PTPRN2: variants seen among roughly 807,000 people sequenced by gnomAD.
PTPRN2 encodes the protein protein tyrosine phosphatase receptor type N2.
A neutral mutation model predicts 118.8 loss-of-function variants in PTPRN2; 74 were observed. The ratio of observed to expected loss-of-function variants is 0.62; its 90% CI spans 0.52 to 0.76. The LOEUF (loss-of-function observed/expected upper bound fraction) is 0.76. Ranked by LOEUF, PTPRN2 falls within the 30% of genes least tolerant of loss-of-function variation. The pLI, the probability that PTPRN2 is intolerant of heterozygous loss-of-function variation, is 0.00. For missense variants in PTPRN2, 1,481 were observed against 1,394.4 expected (o/e 1.06, Z -0.99); for synonymous variants, 641 against 608.0 (o/e 1.05, Z -0.80).
At chr7:157,819,489 G>A (rs529539164) in intron 12 of PTPRN2, among the ~76,000 whole-genome samples, 47 of 151,956 alleles carry the variant, frequency 3.1e-4, no homozygotes, top group African/African-American at 9.4e-4. Flanking sequence ...AGCACACACC[G>A]AGCGGCCGCA....
intron 14 of PTPRN2, among the ~76,000 whole-genome samples, chr7:157,642,845 G>A (rs1268392): frequency 0.48 from 37,892 of 78,454 alleles, 7,198 homozygotes; most frequent in Middle Eastern, 0.62. Flanking sequence ...AAAAAAAAAA[G>A]CAGCTAAAAC....
In PTPRN2 at chr7:157,813,018, T is replaced by G. The variant is rs1351631849; in HGVS notation, c.1788+85655A>C. On this transcript the variant is annotated intron_variant, in intron 12 of 22. Coordinates refer to ENST00000389418, the MANE Select transcript of PTPRN2 (RefSeq NM_002847.5). This position sits in a 1 kb window ranked among gnomAD's most constrained non-coding sequence, Gnocchi z 4.7. ...GGACCACAGCCTCTGGATGAGCTTCTGTTAAAAAGAGATGACTCGGTGACA... is the reference window on the plus strand; with the variant it reads ...GGACCACAGCCTCTGGATGAGCTTCGGTTAAAAAGAGATGACTCGGTGACA... Among the ~76,000 whole-genome samples the G allele has an allele frequency of 6.6e-6, 1 of 152,136 alleles. No homozygotes were observed. Among genetic ancestry groups the G allele is most frequent in the Admixed American group, 6.5e-5 (1 of 15,278 alleles).
intron 14 of PTPRN2, among the ~76,000 whole-genome samples, chr7:157,633,439 G>A (rs1230078942): frequency 6.6e-6 from 1 of 152,210 alleles, no homozygotes; most frequent in East Asian, 1.9e-4. Context: ...TACAACGCCT[G>A]GCCTCATTAA....
rs557957605 is a variant in PTPRN2, at chr7:157,951,404, G to A, written c.1724-52667C>T. ...AGGCTGTGTCCTGGGAACAGCGCCCGGTGCACACACCCCTTTCCATCTTCC... is the reference window on the plus strand; with the variant it reads ...AGGCTGTGTCCTGGGAACAGCGCCCAGTGCACACACCCCTTTCCATCTTCC... On this transcript the variant is annotated intron_variant, in intron 11 of 22. Transcript: ENST00000389418. Among the ~76,000 whole-genome samples, 13 of 152,242 alleles carry A rather than the reference G, an allele frequency of 8.5e-5. No homozygotes were observed. The South Asian group carries it at 2.3e-3, about 27-fold the overall frequency.
chr7:158,180,062 G>A (rs915205151), intron 5 of PTPRN2, among the ~76,000 whole-genome samples: 3 of 152,232 alleles, frequency 2.0e-5, no homozygotes, highest in African/African-American at 7.2e-5. Flanking sequence ...TTTCAATAAG[G>A]TTGCTTTCTT....
chr7:158,278,141 C>T (rs890982419), intron 3 of PTPRN2, among the ~76,000 whole-genome samples: 6 of 152,144 alleles, frequency 3.9e-5, no homozygotes, highest in Admixed American at 6.5e-5. Flanking sequence ...AGCCTCAGCA[C>T]GTAACATGTC....
chr7:158,262,957 C>A (rs560970222), intron 3 of PTPRN2, among the ~76,000 whole-genome samples: 1 of 139,262 alleles, frequency 7.2e-6, no homozygotes, highest in East Asian at 2.2e-4. Context: ...CACACACATA[C>A]ACACATTCAC....
chr7:158,272,066 C>A (rs887697184), intron 3 of PTPRN2, among the ~76,000 whole-genome samples: 5 of 152,228 alleles, frequency 3.3e-5, no homozygotes, highest in African/African-American at 9.7e-5. Flanking sequence ...GTTCCCTCCT[C>A]ATTTAAGCCA....
intron 12 of PTPRN2, among the ~76,000 whole-genome samples, chr7:157,727,604 TGGA>T (rs1300231257): frequency 6.6e-6 from 1 of 152,120 alleles, no homozygotes; most frequent in African/African-American, 2.4e-5. Flanking sequence ...AAATGGGTGG[TGGA>T]GATGCTCGCA....
chr7:158,312,136 G>A (rs558583013), intron 3 of PTPRN2, among the ~76,000 whole-genome samples: 8 of 143,578 alleles, frequency 5.6e-5, no homozygotes, highest in South Asian at 2.2e-4. Flanking sequence ...ACGTGCTCAC[G>A]TGTAGACAGC....
chr7:158,288,352 A>T (rs554181554), intron 3 of PTPRN2, among the ~76,000 whole-genome samples: 93 of 152,124 alleles, frequency 6.1e-4, no homozygotes, highest in African/African-American at 2.1e-3. Context: ...GTATTTTCTA[A>T]GTCCTTTTTC....
chr7:158,421,169 C>T (rs779957553), intron 2 of PTPRN2, among the ~76,000 whole-genome samples: 1 of 152,126 alleles, frequency 6.6e-6, no homozygotes, highest in African/African-American at 2.4e-5. Flanking sequence ...CTTGTTGCTC[C>T]CATTCTGGCT....
chr7:158,307,313 A>G (rs1801376795), intron 3 of PTPRN2, among the ~76,000 whole-genome samples: 1 of 152,210 alleles, frequency 6.6e-6, no homozygotes, highest in Admixed American at 6.5e-5. Flanking sequence ...AAAATTCAGT[A>G]CAGCAGCTCA....
Position 157,576,626 on chromosome 7 carries a change from G to A in PTPRN2, c.2770C>T (p.Leu924=). The stretch of plus-strand genomic sequence containing the variant: ...CGCGCGTCATACCTGCGGAAGTCCA[G>A]GAGGGACCTTGAGGAGGAAGGGACT... ...RGVPSSSRSL[L]DFRRKVNKCY... Residue 924 remains leucine (L), a synonymous_variant, in exon 19 of 23, where the codon CTG becomes TTG. Transcript: ENST00000389418. 1 of 1,612,046 alleles carries A rather than the reference G, an allele frequency of 6.2e-7. No individual in the cohort carries two copies. The highest frequency in any genetic ancestry group is 1.1e-5 in the South Asian group (1 of 90,588).
chr7:157,802,021 C>T (rs1281556331), intron 12 of PTPRN2, among the ~76,000 whole-genome samples: 1 of 152,198 alleles, frequency 6.6e-6, no homozygotes, highest in East Asian at 1.9e-4. Context: ...GCAGCTCCTT[C>T]GTCCACCGTG....
intron 2 of PTPRN2, among the ~76,000 whole-genome samples, chr7:158,488,677 T>C (rs1821206077): frequency 1.3e-5 from 2 of 152,082 alleles, no homozygotes; most frequent in Admixed American, 6.5e-5. Flanking sequence ...TGCACCTCAG[T>C]CCCCCGCCGG....
At chr7:157,910,390 G>C (rs61115513) in intron 11 of PTPRN2, among the ~76,000 whole-genome samples, 1 of 132,740 alleles carries the variant, frequency 7.5e-6, no homozygotes, top group African/African-American at 3.4e-5. Flanking sequence ...CACGTACGCC[G>C]TGGGGACGGG....
rs1586834219 is a variant in PTPRN2 at position 158,510,951 on chromosome 7, A to G, written c.113-21166T>C. Among the ~76,000 whole-genome samples, 4 of 152,386 alleles carry G rather than the reference A, an allele frequency of 2.6e-5. No individual in the cohort carries two copies. In the Middle Eastern group the frequency reaches 0.014, roughly 518 times the overall value. ...GGAATGTACCTTCCCAGCCTCCCAC[A>G]GGGGATTCCTGCCACCCATGTGAGG... On this transcript the variant is annotated intron_variant, in intron 1 of 22. Transcript: ENST00000389418.
intron 2 of PTPRN2, among the ~76,000 whole-genome samples, chr7:158,352,869 C>A (rs771499412): frequency 7.8e-4 from 119 of 152,352 alleles, no homozygotes; most frequent in African/African-American, 2.8e-3. Flanking sequence ...AGCTGCCTGG[C>A]TCTCTCTGCC....
Sources: allele counts gnomAD v4.1 joint callset (sites outside exome capture counted in the v4.1 genomes callset), GRCh38; gene constraint gnomAD v4.1.1; non-coding constraint Gnocchi (gnomAD v3.1); transcripts MANE v1.5; gene names NCBI Gene and HGNC (gene_info 2026-07-23, HGNC 2026-07-21).